Variants in DISC1 observed in about 807,000 individuals in gnomAD.
The protein encoded by DISC1 is disrupted in schizophrenia 1 protein.
DISC1 carries 57 observed loss-of-function variants against 84.5 expected under a neutral mutation model. The ratio of observed to expected loss-of-function variants is 0.67; its 90% CI spans 0.55 to 0.84. DISC1 has a LOEUF of 0.84. DISC1 is among the 40% of genes least tolerant of loss of function. The pLI is 0.00. For synonymous variants in DISC1, 411 were observed against 415.2 expected, an observed-to-expected ratio of 0.99 and a Z score of 0.12; for missense variants, 1,000 against 1,057.8, an observed-to-expected ratio of 0.95 and a Z score of 0.76.
intron 10 of DISC1, among the ~76,000 whole-genome samples, chr1:231,996,440 G>A (rs1281513964): frequency 6.6e-6 from 1 of 152,194 alleles, no homozygotes; most frequent in African/African-American, 2.4e-5. Context: ...GAATGGTAAT[G>A]CCTAGGTTCT....
intron 3 of DISC1, among the ~76,000 whole-genome samples, chr1:231,746,027 C>G (rs930048677): frequency 6.6e-6 from 1 of 152,156 alleles, no homozygotes; most frequent in Non-Finnish European, 1.5e-5. Flanking sequence ...ATTGTAAGCT[C>G]CCTGAGGCCC....
chr1:232,016,778 C>G (rs887860666), intron 11 of DISC1, among the ~76,000 whole-genome samples: 1 of 152,228 alleles, frequency 6.6e-6, no homozygotes, highest in African/African-American at 2.4e-5. Flanking sequence ...ATTGCTTGCT[C>G]TGACCTAAAG....
At chr1:231,810,697 A>T (rs987577841) in intron 8 of DISC1, among the ~76,000 whole-genome samples, 3 of 152,186 alleles carry the variant, frequency 2.0e-5, no homozygotes, top group Non-Finnish European at 4.4e-5. Flanking sequence ...GAGGCGGCTC[A>T]CTAGAAGCGA....
intron 9 of DISC1, among the ~76,000 whole-genome samples, chr1:231,957,927 C>G (rs201359334): frequency 8.5e-5 from 13 of 152,170 alleles, no homozygotes; most frequent in Non-Finnish European, 1.5e-4. Context: ...CATTCTCCAA[C>G]TTTAGAGTAC....
intron 4 of DISC1, among the ~76,000 whole-genome samples, chr1:231,759,244 A>C (rs1313824745): frequency 6.6e-6 from 1 of 152,188 alleles, no homozygotes; most frequent in Non-Finnish European, 1.5e-5. Flanking sequence ...TGTAGGGACT[A>C]ACACAGCATT....
intron 10 of DISC1, among the ~76,000 whole-genome samples, chr1:231,979,169 T>A (rs2102860919): frequency 6.6e-6 from 1 of 152,118 alleles, no homozygotes; most frequent in South Asian, 2.1e-4. Flanking sequence ...CACCCCCAGA[T>A]GGGACCATCT....
At chr1:231,645,595 G>A (rs2060055141) in intron 1 of DISC1, among the ~76,000 whole-genome samples, 1 of 151,614 alleles carries the variant, frequency 6.6e-6, no homozygotes, top group Non-Finnish European at 1.5e-5. Context: ...AGGTATACAT[G>A]TGCTATGTTG....
intron 10 of DISC1, among the ~76,000 whole-genome samples, chr1:232,000,540 G>T (rs1666554434): frequency 6.6e-6 from 1 of 151,722 alleles, no homozygotes; most frequent in Admixed American, 6.5e-5. Flanking sequence ...AAGAAACAAT[G>T]GCTAAAAGCT....
Position 231,849,182 on chromosome 1 carries a change from C to T in DISC1, c.1981+30665C>T, listed in dbSNP as rs543565619. 4.7e-5 allele frequency among the ~76,000 whole-genome samples: 7 copies of T among 149,346 alleles called. No individual in the cohort carries two copies. The East Asian group carries it at 1.4e-3, about 30-fold the overall frequency. ...GTTGCCTAGGCTGGAGTGCAATGGC[C>T]TGATCTCGGCTCACTGCAACCTCTG... On this transcript the variant is annotated intron_variant, in intron 9 of 12. Coordinates refer to ENST00000439617, the MANE Select transcript of DISC1 (RefSeq NM_018662.3).
At chr1:231,925,730 G>T (rs1399403757) in intron 9 of DISC1, 1 of 152,192 alleles carries the variant, frequency 6.6e-6, no homozygotes, top group Non-Finnish European at 1.5e-5. Context: ...TATGAGAAAG[G>T]AGTGGGAGAT....
At chr1:231,908,139 G>C (rs1422881914) in intron 9 of DISC1, among the ~76,000 whole-genome samples, 4 of 152,158 alleles carry the variant, frequency 2.6e-5, no homozygotes, top group Admixed American at 6.5e-5. Flanking sequence ...TGTTCACTCT[G>C]ATGGTAGTTT....
intron 9 of DISC1, among the ~76,000 whole-genome samples, chr1:231,890,565 C>G (rs1477828188): frequency 6.6e-6 from 1 of 152,084 alleles, no homozygotes; most frequent in Non-Finnish European, 1.5e-5. Flanking sequence ...GCCAGGGGCT[C>G]CAGCCCTGGT....
At position 231,895,430 on chromosome 1, in the gene DISC1, GTA is replaced by G. The variant is rs148060139; in HGVS notation, c.1982-63384_1982-63383del. Reference sequence around the variant, plus strand: ...ATCTCCCTCATATATATGTGTGTGTGTATATATATATATATGAGAGAGATAAA... The same window carrying G: ...ATCTCCCTCATATATATGTGTGTGTGTATATATATATATGAGAGAGATAAA... On this transcript the variant is annotated intron_variant, in intron 9 of 12. Coordinates refer to ENST00000439617, the MANE Select transcript of DISC1 (RefSeq NM_018662.3). Among the ~76,000 whole-genome samples, 136 of 149,300 alleles carry G rather than the reference GTA, an allele frequency of 9.1e-4. 1 individual carries two copies. Among genetic ancestry groups the G allele is most frequent in the African/African-American group, 2.8e-3 (112 of 40,722 alleles).
chr1:231,696,927 T>C (rs2065786649), intron 2 of DISC1, among the ~76,000 whole-genome samples: 1 of 152,238 alleles, frequency 6.6e-6, no homozygotes, highest in Admixed American at 6.5e-5. Flanking sequence ...AACGCTAGGC[T>C]GTACTTGAGT....
intron 8 of DISC1, among the ~76,000 whole-genome samples, chr1:231,802,741 G>A (rs1226518860): frequency 3.3e-5 from 5 of 152,112 alleles, no homozygotes; most frequent in African/African-American, 4.8e-5. Context: ...TCTGTATTCT[G>A]CCTGGAAATC....
intron 1 of DISC1, among the ~76,000 whole-genome samples, chr1:231,634,422 A>G (rs1056482209): frequency 6.6e-6 from 1 of 152,190 alleles, no homozygotes; most frequent in African/African-American, 2.4e-5. Flanking sequence ...CTGTTTTGGG[A>G]TCACAAATCT....
chr1:232,014,121 A>G (rs1668269084), intron 11 of DISC1, among the ~76,000 whole-genome samples: 1 of 152,240 alleles, frequency 6.6e-6, no homozygotes, highest in Non-Finnish European at 1.5e-5. Context: ...GTGATCCACA[A>G]TGAAGATGTT....
intron 9 of DISC1, among the ~76,000 whole-genome samples, chr1:231,888,938 C>G (rs1350422641): frequency 6.6e-6 from 1 of 152,042 alleles, no homozygotes; most frequent in South Asian, 2.1e-4. Flanking sequence ...TTGCTGCAGT[C>G]CTGTAGCCCC....
chr1:231,947,881 A>G (rs1370347795), intron 9 of DISC1, among the ~76,000 whole-genome samples: 1 of 152,370 alleles, frequency 6.6e-6, no homozygotes, highest in East Asian at 1.9e-4. Flanking sequence ...TGGTCACTAG[A>G]AAAATGCAAA....
Sources: allele counts gnomAD v4.1 joint callset (sites outside exome capture counted in the v4.1 genomes callset), GRCh38; gene constraint gnomAD v4.1.1; transcripts MANE v1.5; gene names NCBI Gene and HGNC (gene_info 2026-07-23, HGNC 2026-07-21).